SEC24A: variants seen among roughly 807,000 people sequenced by gnomAD.
SEC24A encodes the protein SEC24 homolog A, COPII component.
SEC24A carries 93 observed loss-of-function variants against 129.4 expected under a neutral mutation model. The observed-to-expected ratio is 0.72, with a 90% CI of 0.61 to 0.85. The LOEUF is 0.85. Among genes scored for constraint, SEC24A ranks in the 40% least tolerant of loss-of-function variants. SEC24A has a pLI of 0.00. For synonymous variants in SEC24A, 460 were observed against 467.3 expected (o/e 0.98, Z 0.20); for missense variants, 1,264 against 1,307.4 (o/e 0.97, Z 0.51).
At chr5:134,665,657 A>C (rs1014384060) in intron 2 of SEC24A, among the ~76,000 whole-genome samples, 6 of 151,794 alleles carry the variant, frequency 4.0e-5, no homozygotes, top group Admixed American at 2.0e-4. Flanking sequence ...CGCAGGTTCA[A>C]GTGATTCTCC....
intron 19 of SEC24A, among the ~76,000 whole-genome samples, chr5:134,716,904 G>A (rs546167720): frequency 6.7e-6 from 1 of 149,292 alleles, no homozygotes; most frequent in Non-Finnish European, 1.5e-5. Context: ...TTTGAGACAG[G>A]GTTTTGCACT....
rs1752531299 is a variant in SEC24A, at chr5:134,718,106, C to T, written c.2903C>T (p.Pro968Leu). The part of the protein sequence containing the change: ...LNISDRTIPQ[P>L]PILQLSVEKL... ...ATCAGTGATAGAACCATACCTCAGCCCCCCATTCTTCAGCTTTCAGTGGAG... is the reference window on the plus strand; with the variant it reads ...ATCAGTGATAGAACCATACCTCAGCTCCCCATTCTTCAGCTTTCAGTGGAG... The change falls in exon 20 of 23, where the codon CCC (proline) becomes CTC (leucine). Residue 968 changes from proline (P) to leucine (L), a missense_variant. Physicochemically the swap from Pro to Leu is moderately conservative, Grantham distance 98. Transcript: ENST00000398844. The T allele has an allele frequency of 1.9e-6, 3 of 1,613,910 alleles. No homozygotes were observed. The highest frequency in any genetic ancestry group is 1.3e-5 in the African/African-American group (1 of 74,904).
At chr5:134,701,861 G>C (rs1752017561) in intron 15 of SEC24A, among the ~76,000 whole-genome samples, 1 of 151,982 alleles carries the variant, frequency 6.6e-6, no homozygotes, top group African/African-American at 2.4e-5. Context: ...AGCTTGCTTA[G>C]GTTTCTCTTT....
intron 2 of SEC24A, among the ~76,000 whole-genome samples, chr5:134,665,380 A>G (rs925730223): frequency 6.0e-5 from 9 of 149,250 alleles, no homozygotes; most frequent in African/African-American, 2.0e-4. Context: ...GCTTGAACCC[A>G]GGAGGCGGAG....
At chr5:134,694,819 C>CAAA (rs79409386) in intron 13 of SEC24A, among the ~76,000 whole-genome samples, 2 of 66,014 alleles carry the variant, frequency 3.0e-5, no homozygotes, top group Non-Finnish European at 3.2e-5. Flanking sequence ...AACTCCGTCT[C>CAAA]AAAAAAAAAA....
chr5:134,709,405 C>T (rs1222182553), intron 18 of SEC24A, among the ~76,000 whole-genome samples: 3 of 152,094 alleles, frequency 2.0e-5, no homozygotes, highest in African/African-American at 4.8e-5. Context: ...AGAGCAAGTT[C>T]CTTGTTCATA....
chr5:134,690,119 A>G (rs538414267), intron 11 of SEC24A, among the ~76,000 whole-genome samples: 1 of 152,322 alleles, frequency 6.6e-6, no homozygotes, highest in East Asian at 1.9e-4. Flanking sequence ...CCCAGGTTCA[A>G]GTGATTTTCC....
Position 134,661,359 on chromosome 5 carries a change from C to T in SEC24A, c.338C>T (p.Ser113Phe). Residue 113 changes from serine (S) to phenylalanine (F), a missense_variant, in exon 2 of 23, where the codon TCT becomes TTT. Ser to Phe is a radical substitution (Grantham distance 155). Coordinates refer to ENST00000398844, the MANE Select transcript of SEC24A (RefSeq NM_021982.3). ...GCTCCCCGAATGCCATTACCTGCTT[C>T]TCAGAACCCAGCTACTACACCAATG... The part of the protein sequence containing the change: ...GPAPRMPLPA[S>F]QNPATTPMPS... 6.2e-7 allele frequency: 1 copy of T among 1,614,208 alleles called. No individual in the cohort carries two copies. The highest frequency in any genetic ancestry group is 8.5e-7 in the Non-Finnish European group (1 of 1,180,034).
At chr5:134,698,322 G>A (rs1437477132) in intron 15 of SEC24A, among the ~76,000 whole-genome samples, 3 of 152,080 alleles carry the variant, frequency 2.0e-5, no homozygotes, top group Non-Finnish European at 2.9e-5. Context: ...CCTTATCTCC[G>A]GCTGGGCACA....
At chr5:134,677,361 T>C (rs1295657031) in intron 7 of SEC24A, among the ~76,000 whole-genome samples, 1 of 151,940 alleles carries the variant, frequency 6.6e-6, no homozygotes, top group Non-Finnish European at 1.5e-5. Flanking sequence ...ACCTTTGTCC[T>C]AAAGCTCTGT....
chr5:134,708,984 T>C (rs1752245035), intron 18 of SEC24A, 96 bp downstream of exon 18: 2 of 1,193,328 alleles, frequency 1.7e-6, no homozygotes, highest in African/African-American at 1.5e-5. Context: ...CGTGGGTGGA[T>C]TGCTTGAGTC....
In SEC24A at chr5:134,674,784, T is replaced by C. The variant is rs1347570669; in HGVS notation, c.978+9T>C. 1.2e-6 allele frequency: 2 copies of C among 1,608,900 alleles called. No individual in the cohort carries two copies. The highest frequency in any genetic ancestry group is 4.5e-5 in the East Asian group (2 of 44,848). Reference sequence around the variant, plus strand: ...CACAAGCCTTTACTCAGGTAAACTTTTTGGGATTTTCTTTAACCTATTTCT... The same window carrying C: ...CACAAGCCTTTACTCAGGTAAACTTCTTGGGATTTTCTTTAACCTATTTCT... On this transcript the variant is annotated intron_variant, in intron 5 of 22. Coordinates refer to ENST00000398844, the MANE Select transcript of SEC24A (RefSeq NM_021982.3).
chr5:134,699,876 T>G lies in SEC24A; in HGVS notation c.2266+1819T>G, dbSNP rs186991742. ...ACACTACGCCTGACTAATTTTTGTATTTTTAGTAGAAACGGGGTTTTGCCA... is the reference window on the plus strand; with the variant it reads ...ACACTACGCCTGACTAATTTTTGTAGTTTTAGTAGAAACGGGGTTTTGCCA... On this transcript the variant is annotated intron_variant, in intron 15 of 22. Transcript: ENST00000398844. Among the ~76,000 whole-genome samples, 781 of 152,036 alleles carry G rather than the reference T, an allele frequency of 5.1e-3. 3 individuals carry two copies. Among genetic ancestry groups the G allele is most frequent in the Middle Eastern group, 0.017 (5 of 294 alleles).
In SEC24A at chr5:134,702,758, T is replaced by TTTG. The variant is rs200426704; in HGVS notation, c.2267-983_2267-981dup. 8.5e-5 allele frequency among the ~76,000 whole-genome samples: 13 copies of TTTG among 152,088 alleles called. No homozygotes were observed. The East Asian group carries it at 1.7e-3, about 20-fold the overall frequency. ...CAAATCACAGTTTAGTTTTTGTTTG[T>TTTG]TTGTTGTTGTTGTTGTTGTTTTTTG... On this transcript the variant is annotated intron_variant, in intron 15 of 22. Coordinates refer to ENST00000398844, the MANE Select transcript of SEC24A (RefSeq NM_021982.3).
rs921332820 is a variant in SEC24A, at chr5:134,661,251, G to T, written c.230G>T (p.Gly77Val). The change falls in exon 2 of 23, where the codon GGT (glycine) becomes GTT (valine). Residue 77 changes from glycine to valine, a missense_variant. By Grantham distance (109) the Gly-to-Val change is moderately radical (BLOSUM62 -3). Transcript: ENST00000398844. ...CCAGTCTCTGGACAGTCTAACTATG[G>T]TGGTTCTCAGGGATCTGGGCAGACT... The part of the protein sequence containing the change: ...LNPVSGQSNY[G>V]GSQGSGQTLN... The T allele has an allele frequency of 6.2e-7, 1 of 1,614,118 alleles. No homozygotes were observed. The highest frequency in any genetic ancestry group is 1.7e-5 in the Admixed American group (1 of 59,982).
At position 134,682,373 on chromosome 5, in the gene SEC24A, T is replaced by A; in HGVS notation, c.1382T>A (p.Val461Asp). 1 of 1,539,408 alleles carries A rather than the reference T, an allele frequency of 6.5e-7. No homozygotes were observed. Among genetic ancestry groups the A allele is most frequent in the Non-Finnish European group, 9.0e-7 (1 of 1,116,918 alleles). The change falls in exon 9 of 23, where the codon GTT (valine) becomes GAT (aspartate). Residue 461 changes from valine (V) to aspartate (D), a missense_variant and splice_region_variant. Coordinates refer to ENST00000398844, the MANE Select transcript of SEC24A (RefSeq NM_021982.3). ...TATGTGTATTGTTAACTTTATATAGTTCCTGAAGAATTCTTGTACAACCCT... is the reference window on the plus strand; with the variant it reads ...TATGTGTATTGTTAACTTTATATAGATCCTGAAGAATTCTTGTACAACCCT... ...KCNLCYRVND[V>D]PEEFLYNPLT...
At chr5:134,718,288 C>G (rs915289214) in intron 20 of SEC24A, 115 bp downstream of exon 20, 5 of 743,286 alleles carry the variant, frequency 6.7e-6, no homozygotes, top group Non-Finnish European at 1.2e-5. Context: ...ATATTTTAAC[C>G]TATATACAGT....
At chr5:134,656,579 T>G (rs1239420849) in intron 1 of SEC24A, among the ~76,000 whole-genome samples, 1 of 151,988 alleles carries the variant, frequency 6.6e-6, no homozygotes, top group East Asian at 1.9e-4. Flanking sequence ...CCTCCCAGGT[T>G]CAAGCAATTC....
At position 134,708,748 on chromosome 5, in the gene SEC24A, G is replaced by T. The variant is rs766877569; in HGVS notation, c.2587G>T (p.Ala863Ser). 6.2e-7 allele frequency: 1 copy of T among 1,613,938 alleles called. No individual in the cohort carries two copies. Residue 863 changes from alanine (A) to serine (S), a missense_variant, in exon 18 of 23, where the codon GCT becomes TCT. Physicochemically the swap from Ala to Ser is moderately conservative, Grantham distance 99 (BLOSUM62 1). Coordinates refer to ENST00000398844, the MANE Select transcript of SEC24A (RefSeq NM_021982.3). ...ATCTATGACTGCCAGTCTGAGTGAC[G>T]CTCGGGATGCTCTAGTGAATGCAGT... ...DRSMTASLSD[A>S]RDALVNAVID...
Sources: gnomAD v4.1 joint callset for allele counts (sites outside exome capture counted in the v4.1 genomes callset) on GRCh38, gnomAD v4.1.1 for gene constraint, MANE v1.5 for transcripts, NCBI Gene and HGNC (gene_info 2026-07-23, HGNC 2026-07-21) for gene names.